The following TRAPPC10 variants were observed in gnomAD, a reference collection of about 807,000 sequenced individuals.
TRAPPC10 encodes the protein TRAPP 130 kDa subunit.
In TRAPPC10, 23 loss-of-function variants were observed where a neutral mutation model predicts 125.5. The ratio of observed to expected loss-of-function variants is 0.18; its 90% confidence interval spans 0.13 to 0.26. The LOEUF is 0.26. Among genes scored for constraint, TRAPPC10 ranks in the 10% least tolerant of loss-of-function variants. The pLI is 1.00. For synonymous variants in TRAPPC10, 509 were observed against 518.0 expected (o/e 0.98, Z 0.24); for missense variants, 1,123 against 1,308.4 (o/e 0.86, Z 2.19).
At chr21:44,014,490 C>CT (rs1223344635) in intron 1 of TRAPPC10, among the ~76,000 whole-genome samples, 1 of 151,938 alleles carries the variant, frequency 6.6e-6, no homozygotes, top group African/African-American at 2.4e-5. Context: ...ACTGCAACCT[C>CT]TGCCTCCCGG....
In TRAPPC10 at chr21:44,082,656, C is replaced by A; in HGVS notation, c.1724-132C>A. On this transcript the variant is annotated intron_variant, in intron 13 of 22. Coordinates refer to ENST00000291574, the MANE Select transcript of TRAPPC10 (RefSeq NM_003274.5). This position sits in a 1 kb window ranked among gnomAD's most constrained non-coding sequence, Gnocchi z 4.4. ...GGTGTGAAGATGGCAGGAGGCTGGG[C>A]TCAGCTGCTGTGCCCATCACTGCTG... 1.0e-6 allele frequency: 1 copy of A among 986,456 alleles called. No homozygotes were observed. Among genetic ancestry groups the A allele is most frequent in the South Asian group, 1.5e-5 (1 of 68,096 alleles). 61.1% of individuals were successfully genotyped at this position (986,456 alleles called of 1,614,324 possible). A position where few individuals can be genotyped will look rare whatever the true frequency, so the allele number is the denominator to read the frequency against.
chr21:44,066,908 T>C (rs1351913100), intron 7 of TRAPPC10, among the ~76,000 whole-genome samples: 1 of 152,202 alleles, frequency 6.6e-6, no homozygotes, highest in Non-Finnish European at 1.5e-5. Context: ...TTCCTGCACC[T>C]TTGGTAAGAA....
chr21:44,012,913 C>T (rs764949894), intron 1 of TRAPPC10, among the ~76,000 whole-genome samples: 1 of 152,058 alleles, frequency 6.6e-6, no homozygotes, highest in African/African-American at 2.4e-5. Flanking sequence ...GCGCCCGGGA[C>T]CTGGGGGCCC....
intron 6 of TRAPPC10, chr21:44,062,466 G>T (rs2036129206): frequency 3.6e-6 from 3 of 842,070 alleles, no homozygotes; most frequent in South Asian, 1.1e-4. Context: ...TAGGGCACTG[G>T]AGTGGCCTCC....
chr21:44,049,948 C>T (rs367698656), intron 3 of TRAPPC10, among the ~76,000 whole-genome samples: 4 of 151,594 alleles, frequency 2.6e-5, no homozygotes, highest in Non-Finnish European at 5.9e-5. Context: ...GGCATGATCT[C>T]GGCTCACTGC....
chr21:44,083,364 A>G, intron 14 of TRAPPC10, 62 bp downstream of exon 14: 1 of 1,559,442 alleles, frequency 6.4e-7, no homozygotes, highest in East Asian at 2.2e-5. Flanking sequence ...GGAGCTTACA[A>G]GAACTGTCTG....
At chr21:44,073,729 G>C (rs540446586) in intron 7 of TRAPPC10, among the ~76,000 whole-genome samples, 10 of 152,098 alleles carry the variant, frequency 6.6e-5, no homozygotes, top group Non-Finnish European at 1.2e-4. Context: ...CAGTGTATAG[G>C]GAGCAATAGG....
chr21:44,042,610 A>G (rs2034498973), intron 3 of TRAPPC10, among the ~76,000 whole-genome samples: 1 of 152,182 alleles, frequency 6.6e-6, no homozygotes. Context: ...TTCTGTTTCC[A>G]GATTGTAATG....
chr21:44,087,498 G>T lies in TRAPPC10; in HGVS notation c.2540-201G>T, dbSNP rs567666430. The stretch of plus-strand genomic sequence containing the variant: ...TTCCTCTCTTCAGATTGAGATCAAT[G>T]ATGGGTCTGGGCGCCTGCCTGCCGG... On this transcript the variant is annotated intron_variant, in intron 16 of 22. Coordinates refer to ENST00000291574, the MANE Select transcript of TRAPPC10 (RefSeq NM_003274.5). The surrounding 1 kb of genome is among the most constrained non-coding windows in gnomAD (Gnocchi z 4.6). 6.6e-5 allele frequency among the ~76,000 whole-genome samples: 10 copies of T among 152,334 alleles called. 1 individual carries two copies. The South Asian group carries it at 2.1e-3, about 32-fold the overall frequency.
chr21:44,030,163 C>T (rs563831168), intron 1 of TRAPPC10, among the ~76,000 whole-genome samples: 1 of 152,274 alleles, frequency 6.6e-6, no homozygotes, highest in South Asian at 2.1e-4. Context: ...GGCAGTTCCA[C>T]TTTTACTCTG....
chr21:44,026,787 G>A (rs1326321086), intron 1 of TRAPPC10, among the ~76,000 whole-genome samples: 1 of 152,156 alleles, frequency 6.6e-6, no homozygotes, highest in Non-Finnish European at 1.5e-5. Context: ...TCGCAACTGG[G>A]AGATGACCCA....
At chr21:44,033,473 C>T (rs1470152591) in intron 2 of TRAPPC10, among the ~76,000 whole-genome samples, 1 of 151,332 alleles carries the variant, frequency 6.6e-6, no homozygotes, top group Non-Finnish European at 1.5e-5. Flanking sequence ...AAGAGTTTAG[C>T]AAATGGAGTA....
At position 44,065,749 on chromosome 21, in the gene TRAPPC10, C is replaced by T. The variant is rs532028266; in HGVS notation, c.1038+1964C>T. ...CGCTTGTGTTGAAGCCCACACAATC[C>T]TCTTTGCACACTTTGCACCTGTGTT... is the stretch of plus-strand genomic sequence containing the variant. On this transcript the variant is annotated intron_variant, in intron 7 of 22. Transcript: ENST00000291574. Among the ~76,000 whole-genome samples, 18 of 152,360 alleles carry T rather than the reference C, an allele frequency of 1.2e-4. No individual in the cohort carries two copies. The South Asian group carries it at 3.7e-3, about 32-fold the overall frequency.
chr21:44,063,072 G>A lies in TRAPPC10; in HGVS notation c.791-466G>A. 1 of 1,304,404 alleles carries A rather than the reference G, an allele frequency of 7.7e-7. No individual in the cohort carries two copies. The allele number at this position is 1,304,404 out of a possible 1,614,324, so 80.8% of individuals were successfully genotyped here. ...CTCCAGGAGCTTGACTCAGGGACGT[G>A]ACGTGGTTGAGTTAGGGAAATAAGG... On this transcript the variant is annotated intron_variant, in intron 6 of 22. Transcript: ENST00000291574. This position sits in a 1 kb window ranked among gnomAD's most constrained non-coding sequence, Gnocchi z 4.4.
At chr21:44,061,216 A>C (rs879658947) in intron 6 of TRAPPC10, among the ~76,000 whole-genome samples, 3 of 152,136 alleles carry the variant, frequency 2.0e-5, no homozygotes, top group Admixed American at 6.5e-5. Context: ...GGCTCACTGC[A>C]ACCTCCGCCT....
Position 44,087,934 on chromosome 21 carries a change from T to G in TRAPPC10, c.2769+6T>G, listed in dbSNP as rs1212203529. 1 of 1,609,412 alleles carries G rather than the reference T, an allele frequency of 6.2e-7. No homozygotes were observed. The highest frequency in any genetic ancestry group is 1.1e-5 in the South Asian group (1 of 90,712). On this transcript the variant is annotated splice_donor_region_variant and intron_variant, in intron 17 of 22. Transcript: ENST00000291574. This position sits in a 1 kb window ranked among gnomAD's most constrained non-coding sequence, Gnocchi z 4.6. ...TGGTTACCACAGACCACAAAGTGAG[T>G]AGGGACAGTGGAGGAGCTTAGCTTG...
chr21:44,028,509 T>G (rs2033273648), intron 1 of TRAPPC10, among the ~76,000 whole-genome samples: 1 of 152,148 alleles, frequency 6.6e-6, no homozygotes, highest in Non-Finnish European at 1.5e-5. Context: ...CCCACAGACT[T>G]TAGGGATCCA....
rs1026908842 is a variant in TRAPPC10, at chr21:44,082,238, A to G, written c.1724-550A>G. 9.2e-5 allele frequency among the ~76,000 whole-genome samples: 14 copies of G among 152,244 alleles called. No individual in the cohort carries two copies. Among genetic ancestry groups the G allele is most frequent in the African/African-American group, 3.1e-4 (13 of 41,458 alleles). On this transcript the variant is annotated intron_variant, in intron 13 of 22. Coordinates refer to ENST00000291574, the MANE Select transcript of TRAPPC10 (RefSeq NM_003274.5). This position sits in a 1 kb window ranked among gnomAD's most constrained non-coding sequence, Gnocchi z 4.4. ...AGTTCGGTCAGAGAGAGAAGGGCCC[A>G]GAGAGAGCATTAGGCTCTCATTCCA...
chr21:44,075,112 T>G lies in TRAPPC10; in HGVS notation c.1259T>G (p.Val420Gly). 6.2e-7 allele frequency: 1 copy of G among 1,614,210 alleles called. No individual in the cohort carries two copies. ...GPNSEDLNRT[V>G]DLLAGLGAER... ...AACTCAGAAGATCTCAACAGGACAG[T>G]TGACCTTTTGGCAGGTTTGGGAGCT... The change falls in exon 9 of 23, where the codon GTT (valine) becomes GGT (glycine). Residue 420 changes from valine to glycine, a missense_variant. Val to Gly is a moderately radical substitution (Grantham distance 109). Around this residue, in one of 4 missense-constraint regions of TRAPPC10, gnomAD observed 840 missense variants for 902.0 expected, o/e 0.93. Transcript: ENST00000291574.
Sources: allele counts gnomAD v4.1 joint callset (sites outside exome capture counted in the v4.1 genomes callset), GRCh38; gene constraint gnomAD v4.1.1; regional missense constraint gnomAD v4.1.1; non-coding constraint Gnocchi (gnomAD v3.1); transcripts MANE v1.5; gene names NCBI Gene and HGNC (gene_info 2026-07-23, HGNC 2026-07-21).